Variants in ANGPT1 observed in about 807,000 individuals in gnomAD.
ANGPT1 encodes the protein angiopoietin-1.
In ANGPT1, 17 loss-of-function variants were observed where a neutral mutation model predicts 62.2. That is an observed-to-expected ratio of 0.27 (90% CI 0.19 to 0.41). ANGPT1 has a LOEUF of 0.41. Among genes scored for constraint, ANGPT1 ranks in the 10% least tolerant of loss-of-function variants. The pLI is 1.00. For synonymous variants in ANGPT1, 199 were observed against 198.9 expected (o/e 1.00, Z 0.00); for missense variants, 478 against 594.9 (o/e 0.80, Z 2.04).
intron 1 of ANGPT1, among the ~76,000 whole-genome samples, chr8:107,410,353 C>A (rs1817241132): frequency 6.6e-6 from 1 of 152,172 alleles, no homozygotes; most frequent in Non-Finnish European, 1.5e-5. Context: ...ACTAGAAAGT[C>A]CCTAGGTCAG....
At chr8:107,264,964 C>G (rs1236181821) in intron 7 of ANGPT1, among the ~76,000 whole-genome samples, 1 of 152,118 alleles carries the variant, frequency 6.6e-6, no homozygotes, top group Non-Finnish European at 1.5e-5. Context: ...ATTTGCTGAG[C>G]ACAAACTACA....
chr8:107,478,354 G>C (rs766947630), intron 1 of ANGPT1, among the ~76,000 whole-genome samples: 1 of 151,748 alleles, frequency 6.6e-6, no homozygotes, highest in Non-Finnish European at 1.5e-5. Context: ...CTCGAGACCA[G>C]CCTGGCTAAC....
At chr8:107,473,475 A>G (rs934217702) in intron 1 of ANGPT1, among the ~76,000 whole-genome samples, 3 of 152,066 alleles carry the variant, frequency 2.0e-5, no homozygotes, top group African/African-American at 7.2e-5. Context: ...AGCTCATATG[A>G]GACATCTTGG....
intron 5 of ANGPT1, among the ~76,000 whole-genome samples, chr8:107,300,075 ATATC>A (rs1261911785): frequency 6.9e-6 from 1 of 144,020 alleles, no homozygotes; most frequent in African/African-American, 2.5e-5. Flanking sequence ...ATAGGTATCT[ATATC>A]TATAGAGATC....
At chr8:107,252,987 C>T (rs577246582) in intron 8 of ANGPT1, among the ~76,000 whole-genome samples, 3 of 152,292 alleles carry the variant, frequency 2.0e-5, no homozygotes, top group South Asian at 2.1e-4. Context: ...GAAAGCTGTA[C>T]AGCTGATGTT....
chr8:107,465,115 C>A (rs1406499704), intron 1 of ANGPT1, among the ~76,000 whole-genome samples: 2 of 152,066 alleles, frequency 1.3e-5, no homozygotes, highest in African/African-American at 4.8e-5. Flanking sequence ...TGGAAAGATT[C>A]AGACAGGCTC....
chr8:107,362,059 A>G (rs1479657115), intron 1 of ANGPT1, among the ~76,000 whole-genome samples: 1 of 152,180 alleles, frequency 6.6e-6, no homozygotes, highest in Non-Finnish European at 1.5e-5. Context: ...CCGTCTCAAA[A>G]TAAATAAATA....
chr8:107,410,276 C>T (rs969055187), intron 1 of ANGPT1, among the ~76,000 whole-genome samples: 2 of 152,198 alleles, frequency 1.3e-5, no homozygotes, highest in Non-Finnish European at 2.9e-5. Flanking sequence ...AACGCTCTAA[C>T]CCCATAGTTT....
At chr8:107,276,119 T>C (rs953613983) in intron 7 of ANGPT1, among the ~76,000 whole-genome samples, 1 of 152,188 alleles carries the variant, frequency 6.6e-6, no homozygotes, top group Non-Finnish European at 1.5e-5. Flanking sequence ...TTGTCTTCAG[T>C]ATTTCATCTC....
At chr8:107,310,245 C>A (rs1486154579) in intron 4 of ANGPT1, among the ~76,000 whole-genome samples, 2 of 152,082 alleles carry the variant, frequency 1.3e-5, no homozygotes, top group Admixed American at 1.3e-4. Flanking sequence ...TTTGTTCAAT[C>A]CTTATAAATT....
chr8:107,487,962 T>C (rs2130535087), intron 1 of ANGPT1, among the ~76,000 whole-genome samples: 2 of 152,294 alleles, frequency 1.3e-5, no homozygotes, highest in Admixed American at 1.3e-4. Context: ...TCCTTTACAA[T>C]ATGAGGCAAT....
intron 1 of ANGPT1, among the ~76,000 whole-genome samples, chr8:107,493,351 A>C (rs144206715): frequency 6.6e-6 from 1 of 150,584 alleles, no homozygotes; most frequent in Admixed American, 6.7e-5. Context: ...CTGGGAGGGT[A>C]AGTGGAGTGT....
At chr8:107,288,709 G>C (rs1814203292) in intron 6 of ANGPT1, among the ~76,000 whole-genome samples, 10 of 152,098 alleles carry the variant, frequency 6.6e-5, no homozygotes, top group Admixed American at 6.6e-4. Flanking sequence ...AATTATTTGA[G>C]TGGTATACAG....
At chr8:107,372,945 A>G (rs1028383993) in intron 1 of ANGPT1, among the ~76,000 whole-genome samples, 5 of 151,954 alleles carry the variant, frequency 3.3e-5, no homozygotes, top group African/African-American at 4.8e-5. Context: ...ACATGGGGCT[A>G]ACAACACGAA....
At chr8:107,254,730 G>C (rs1273481611) in intron 8 of ANGPT1, among the ~76,000 whole-genome samples, 2 of 152,050 alleles carry the variant, frequency 1.3e-5, no homozygotes, top group Non-Finnish European at 2.9e-5. Context: ...CAGTAAACAA[G>C]AAATGACTTG....
At chr8:107,402,135 C>T (rs1817059089) in intron 1 of ANGPT1, among the ~76,000 whole-genome samples, 2 of 152,176 alleles carry the variant, frequency 1.3e-5, no homozygotes, top group Non-Finnish European at 2.9e-5. Context: ...CTCATCACTT[C>T]TGAAGATCCA....
At chr8:107,328,735 G>C (rs1815348142) in intron 3 of ANGPT1, among the ~76,000 whole-genome samples, 1 of 152,028 alleles carries the variant, frequency 6.6e-6, no homozygotes, top group African/African-American at 2.4e-5. Context: ...ACAAAAACAT[G>C]CACAACTTAA....
intron 7 of ANGPT1, among the ~76,000 whole-genome samples, chr8:107,275,893 C>T (rs1813852986): frequency 6.6e-6 from 1 of 152,046 alleles, no homozygotes. Flanking sequence ...TTAGCATTAC[C>T]CATTCTGTGA....
At chr8:107,289,980 A>G (rs2130162666) in intron 6 of ANGPT1, among the ~76,000 whole-genome samples, 1 of 152,246 alleles carries the variant, frequency 6.6e-6, no homozygotes, top group African/African-American at 2.4e-5. Flanking sequence ...GTGCCTCATT[A>G]AAAAGCCTAC....
Sources: allele counts gnomAD v4.1 joint callset (sites outside exome capture counted in the v4.1 genomes callset), GRCh38; gene constraint gnomAD v4.1.1; transcripts MANE v1.5; gene names NCBI Gene and HGNC (gene_info 2026-07-23, HGNC 2026-07-21).